Variants in DLG2 observed in about 807,000 individuals in gnomAD.
DLG2 encodes the protein discs large MAGUK scaffold protein 2.
Under a neutral mutation model 132.5 loss-of-function variants are expected in DLG2, and 45 were observed. The ratio of observed to expected loss-of-function variants is 0.34; its 90% CI spans 0.27 to 0.44. The LOEUF is 0.44. Among genes scored for constraint, DLG2 ranks in the 20% least tolerant of loss-of-function variants. The pLI, the probability that DLG2 is intolerant of heterozygous loss-of-function variation, is 1.00. For synonymous variants in DLG2, 424 were observed against 419.6 expected, an observed-to-expected ratio of 1.01 and a Z score of -0.13; for missense variants, 1,045 against 1,196.9, an observed-to-expected ratio of 0.87 and a Z score of 1.87.
intron 14 of DLG2, among the ~76,000 whole-genome samples, chr11:83,931,687 T>C (rs1205703827): frequency 2.0e-5 from 3 of 152,244 alleles, no homozygotes; most frequent in African/African-American, 7.2e-5. Flanking sequence ...TGTCCAGGGT[T>C]GAACTCTTGA....
chr11:84,131,413 T>C (rs1294402448), intron 9 of DLG2, among the ~76,000 whole-genome samples: 2 of 152,056 alleles, frequency 1.3e-5, no homozygotes, highest in Non-Finnish European at 2.9e-5. Context: ...TACATACATA[T>C]ACATGTATAC....
At chr11:84,462,666 G>C (rs2099083567) in intron 7 of DLG2, among the ~76,000 whole-genome samples, 1 of 151,006 alleles carries the variant, frequency 6.6e-6, no homozygotes, top group South Asian at 2.1e-4. Context: ...AAAGACAATA[G>C]GAGTGGCTTA....
At chr11:85,427,122 C>T (rs551887973) in intron 3 of DLG2, among the ~76,000 whole-genome samples, 1 of 152,072 alleles carries the variant, frequency 6.6e-6, no homozygotes, top group Non-Finnish European at 1.5e-5. Context: ...AAATATGGGA[C>T]TATGTGAAAA....
At position 83,898,913 on chromosome 11, in the gene DLG2, T is replaced by C. The variant is rs137891792; in HGVS notation, c.1497-24425A>G. Among the ~76,000 whole-genome samples, 56 of 152,322 alleles carry C rather than the reference T, an allele frequency of 3.7e-4. No homozygotes were observed. In the East Asian group the frequency reaches 5.4e-3, roughly 15 times the overall value. On this transcript the variant is annotated intron_variant, in intron 15 of 27. Transcript: ENST00000376104. ...TGACTATAGCATAATATGGATAATATTGTCCACATTTTATTTTAACAACCC... is the reference window on the plus strand; with the variant it reads ...TGACTATAGCATAATATGGATAATACTGTCCACATTTTATTTTAACAACCC...
intron 22 of DLG2, 138 bp downstream of exon 22, chr11:83,483,991 C>T: frequency 1.5e-6 from 1 of 683,800 alleles, no homozygotes; most frequent in Non-Finnish European, 2.6e-6. Context: ...ACGCTGGTCA[C>T]AGTAGTAGAC....
chr11:84,365,978 C>T (rs1279437206), intron 7 of DLG2, among the ~76,000 whole-genome samples: 1 of 152,016 alleles, frequency 6.6e-6, no homozygotes, highest in East Asian at 1.9e-4. Context: ...CAGAGATACT[C>T]CTCGAGAAGA....
intron 3 of DLG2, among the ~76,000 whole-genome samples, chr11:85,424,763 T>A (rs2090583695): frequency 3.9e-5 from 6 of 152,006 alleles, no homozygotes; most frequent in Admixed American, 3.3e-4. Context: ...AACTCTAAGA[T>A]CTATATTCCA....
At chr11:83,888,265 T>A (rs1255004808) in intron 15 of DLG2, among the ~76,000 whole-genome samples, 11 of 152,182 alleles carry the variant, frequency 7.2e-5, no homozygotes, top group East Asian at 3.9e-4. Context: ...CAGGATACAT[T>A]ATCAATGTAC....
At chr11:85,201,426 C>A (rs1438207425) in intron 4 of DLG2, among the ~76,000 whole-genome samples, 2 of 151,946 alleles carry the variant, frequency 1.3e-5, no homozygotes, top group African/African-American at 4.8e-5. Flanking sequence ...TACCTAGGTC[C>A]CTGGCCAGCT....
intron 6 of DLG2, among the ~76,000 whole-genome samples, chr11:84,748,133 C>T (rs1292247515): frequency 6.6e-6 from 1 of 152,158 alleles, no homozygotes; most frequent in African/African-American, 2.4e-5. Flanking sequence ...CAGGGCTCTC[C>T]CATTTGGATA....
At chr11:83,595,365 C>G (rs534146692) in intron 19 of DLG2, among the ~76,000 whole-genome samples, 1 of 152,318 alleles carries the variant, frequency 6.6e-6, no homozygotes, top group African/African-American at 2.4e-5. Context: ...GTTGAGGAAA[C>G]TGAGGACAAA....
chr11:85,144,833 A>G (rs2152437370), intron 5 of DLG2, among the ~76,000 whole-genome samples: 1 of 152,168 alleles, frequency 6.6e-6, no homozygotes, highest in South Asian at 2.1e-4. Flanking sequence ...TACTATTCCT[A>G]TTCAAGATAT....
intron 9 of DLG2, among the ~76,000 whole-genome samples, chr11:84,143,737 T>C (rs1187561523): frequency 6.6e-6 from 1 of 152,190 alleles, no homozygotes; most frequent in Non-Finnish European, 1.5e-5. Flanking sequence ...GTGTTTTTAT[T>C]ACTTCTCTGT....
At chr11:84,668,516 G>A (rs1208125014) in intron 6 of DLG2, among the ~76,000 whole-genome samples, 2 of 152,082 alleles carry the variant, frequency 1.3e-5, no homozygotes, top group African/African-American at 4.8e-5. Context: ...AAACTAAATT[G>A]AAACGGTTTA....
At chr11:84,075,184 A>G (rs141993057) in intron 10 of DLG2, among the ~76,000 whole-genome samples, 109 of 152,312 alleles carry the variant, frequency 7.2e-4, no homozygotes, top group Middle Eastern at 3.4e-3. Context: ...TGATTATTTA[A>G]TCTAAAGTTG....
At chr11:84,761,364 G>C (rs1252088952) in intron 6 of DLG2, among the ~76,000 whole-genome samples, 1 of 152,116 alleles carries the variant, frequency 6.6e-6, no homozygotes, top group Admixed American at 6.5e-5. Context: ...TCTCTGAAAG[G>C]GCAGACAGCC....
At chr11:84,825,194 G>A (rs900150593) in intron 6 of DLG2, among the ~76,000 whole-genome samples, 1 of 151,906 alleles carries the variant, frequency 6.6e-6, no homozygotes, top group Non-Finnish European at 1.5e-5. Context: ...AGGCCCAGGT[G>A]TTAGGAGACC....
chr11:84,093,868 G>C (rs1323981073), intron 10 of DLG2, among the ~76,000 whole-genome samples: 1 of 152,056 alleles, frequency 6.6e-6, no homozygotes, highest in Non-Finnish European at 1.5e-5. Context: ...ACCTGCCTCA[G>C]CCTCCCAAAG....
intron 6 of DLG2, among the ~76,000 whole-genome samples, chr11:84,983,526 G>C (rs2056065128): frequency 6.6e-6 from 1 of 152,114 alleles, no homozygotes; most frequent in African/African-American, 2.4e-5. Context: ...CCCTCTGACA[G>C]AGCCTACCTA....
Sources: allele counts gnomAD v4.1 joint callset (sites outside exome capture counted in the v4.1 genomes callset), GRCh38; gene constraint gnomAD v4.1.1; transcripts MANE v1.5; gene names NCBI Gene and HGNC (gene_info 2026-07-23, HGNC 2026-07-21).